The following GCNT1 variants were observed in gnomAD, a reference collection of about 807,000 sequenced individuals.
The protein encoded by GCNT1 is glucosaminyl (N-acetyl) transferase 1, also known as beta-1,3-galactosyl-O-glycosyl-glycoprotein beta-1,6-N-acetylglucosaminyltransferase.
A neutral mutation model predicts 26.2 loss-of-function variants in GCNT1; 16 were observed. That is an observed-to-expected ratio of 0.61 (90% CI 0.41 to 0.93). The LOEUF is 0.93. Ranked by LOEUF, GCNT1 falls within the 40% of genes least tolerant of loss-of-function variation. GCNT1 has a pLI of 0.00. For missense variants in GCNT1, 477 were observed against 526.7 expected, an observed-to-expected ratio of 0.91 and a Z score of 0.92; for synonymous variants, 183 against 190.8, an observed-to-expected ratio of 0.96 and a Z score of 0.34.
At chr9:76,479,808 T>A (rs1236710290) in intron 2 of GCNT1, among the ~76,000 whole-genome samples, 3 of 152,228 alleles carry the variant, frequency 2.0e-5, no homozygotes, top group Non-Finnish European at 4.4e-5. Flanking sequence ...GTAGGTTGGT[T>A]CTTCACTCTG....
intron 2 of GCNT1, among the ~76,000 whole-genome samples, chr9:76,495,614 T>C (rs1477507337): frequency 1.3e-5 from 2 of 152,214 alleles, no homozygotes; most frequent in Non-Finnish European, 2.9e-5. Flanking sequence ...TACAGAATGC[T>C]GATTGGTACA....
intron 2 of GCNT1, among the ~76,000 whole-genome samples, chr9:76,490,170 G>C (rs569764647): frequency 6.6e-6 from 1 of 151,786 alleles, no homozygotes; most frequent in Non-Finnish European, 1.5e-5. Context: ...GCAGCATCTC[G>C]TACTATCCCT....
At chr9:76,481,553 T>C (rs778325893) in intron 2 of GCNT1, among the ~76,000 whole-genome samples, 2 of 152,076 alleles carry the variant, frequency 1.3e-5, no homozygotes, top group African/African-American at 4.8e-5. Context: ...TTGATTTGTA[T>C]CAGTTATATA....
chr9:76,413,791 A>G, the GCNT1 span, among the ~76,000 whole-genome samples: 1 of 146,548 alleles, frequency 6.8e-6, no homozygotes, highest in African/African-American at 2.5e-5. Flanking sequence ...TATTTTTTCT[A>G]TACTTTTCTG....
the GCNT1 span, among the ~76,000 whole-genome samples, chr9:76,397,010 A>C: frequency 1.3e-5 from 2 of 152,042 alleles, no homozygotes; most frequent in African/African-American, 4.8e-5. Flanking sequence ...GGCCGGGCGC[A>C]GTGGCTCTTG....
chr9:76,469,076 T>G (rs1193215137), intron 2 of GCNT1, among the ~76,000 whole-genome samples: 6 of 151,946 alleles, frequency 3.9e-5, no homozygotes, highest in African/African-American at 1.4e-4. Context: ...CTGGGCAAAT[T>G]TCGCCAAAAA....
Position 76,505,700 on chromosome 9 carries a change from G to C in GCNT1, c.*2032G>C, listed in dbSNP as rs1487771435. ...CATTGTACCCTATTTGCTTTAAGTT[G>C]TATGTATTTCTGAACTTGGCAAAAT... On this transcript the variant is annotated 3_prime_UTR_variant, in exon 4 of 4. Transcript: ENST00000376730. The C allele has an allele frequency of 6.0e-6, 1 of 166,910 alleles. No homozygotes were observed. Among genetic ancestry groups the C allele is most frequent in the Non-Finnish European group, 1.5e-5 (1 of 68,094 alleles). The allele number at this position is 166,910 out of a possible 1,614,324, so 10.3% of individuals were successfully genotyped here. A position where few individuals can be genotyped will look rare whatever the true frequency, so the allele number is the denominator to read the frequency against.
intron 2 of GCNT1, among the ~76,000 whole-genome samples, chr9:76,478,019 A>G (rs112457282): frequency 6.6e-6 from 1 of 152,302 alleles, no homozygotes; most frequent in African/African-American, 2.4e-5. Flanking sequence ...CACTCTGTAA[A>G]AATGCACCAA....
At chr9:76,449,331 A>G (rs1823627362) in intron 1 of GCNT1, among the ~76,000 whole-genome samples, 1 of 152,126 alleles carries the variant, frequency 6.6e-6, no homozygotes, top group Non-Finnish European at 1.5e-5. Context: ...AAACAAGCAA[A>G]TAAAATGATA....
At chr9:76,482,032 T>C (rs1824436720) in intron 2 of GCNT1, among the ~76,000 whole-genome samples, 1 of 152,154 alleles carries the variant, frequency 6.6e-6, no homozygotes, top group African/African-American at 2.4e-5. Context: ...TATTATATTG[T>C]CAGTAAGAAG....
intron 1 of GCNT1, among the ~76,000 whole-genome samples, chr9:76,452,704 C>T (rs886195416): frequency 5.3e-5 from 8 of 152,054 alleles, no homozygotes; most frequent in Non-Finnish European, 8.8e-5. Flanking sequence ...CATTAGAAAC[C>T]GCCTCCAGGA....
At chr9:76,465,565 T>C (rs890239009) in intron 2 of GCNT1, among the ~76,000 whole-genome samples, 5 of 152,344 alleles carry the variant, frequency 3.3e-5, no homozygotes, top group Admixed American at 6.5e-5. Context: ...AATGCACCAC[T>C]GTGTCCCAGC....
intron 1 of GCNT1, among the ~76,000 whole-genome samples, chr9:76,436,097 A>T (rs973951829): frequency 1.3e-5 from 2 of 151,616 alleles, no homozygotes; most frequent in Admixed American, 6.6e-5. Flanking sequence ...GATTACAGGC[A>T]TGTGCCACCA....
chr9:76,447,705 T>G (rs1418914051), intron 1 of GCNT1, among the ~76,000 whole-genome samples: 2 of 152,202 alleles, frequency 1.3e-5, no homozygotes, highest in Non-Finnish European at 2.9e-5. Context: ...TACAAGTCAG[T>G]ATGGAGGATG....
At chr9:76,455,056 C>T (rs952230468), upstream of GCNT1, among the ~76,000 whole-genome samples, 1 of 151,992 alleles carries the variant, frequency 6.6e-6, no homozygotes, top group Non-Finnish European at 1.5e-5. Context: ...CCATGTTGGT[C>T]AGGCTGGTCT....
chr9:76,424,613 C>G (rs1044367486), intron 1 of GCNT1, among the ~76,000 whole-genome samples: 5 of 152,138 alleles, frequency 3.3e-5, no homozygotes, highest in African/African-American at 1.2e-4. Flanking sequence ...ATAGACAAGA[C>G]CTGGGCCTTA....
At position 76,506,954 on chromosome 9, in the gene GCNT1, A is replaced by G; in HGVS notation, c.*3286A>G. On this transcript the variant is annotated 3_prime_UTR_variant, in exon 4 of 4. Coordinates refer to ENST00000376730, the MANE Select transcript of GCNT1 (RefSeq NM_001490.5). Reference sequence around the variant, plus strand: ...ACGCTCCTCAACTTATGATGTGGGTAGGTCCCAGTAAACCCATTATAATTT... The same window carrying G: ...ACGCTCCTCAACTTATGATGTGGGTGGGTCCCAGTAAACCCATTATAATTT... 1 of 167,198 alleles carries G rather than the reference A, an allele frequency of 6.0e-6. No homozygotes were observed. The allele number at this position is 167,198 out of a possible 1,614,324, so 10.4% of individuals were successfully genotyped here.
At chr9:76,460,393 G>A (rs539514847) in intron 2 of GCNT1, among the ~76,000 whole-genome samples, 8 of 152,314 alleles carry the variant, frequency 5.3e-5, no homozygotes, top group African/African-American at 1.4e-4. Flanking sequence ...TTTGATGGGT[G>A]GGAGGTGAGA....
upstream of GCNT1, among the ~76,000 whole-genome samples, chr9:76,419,302 A>G (rs532319288): frequency 6.6e-6 from 1 of 152,362 alleles, no homozygotes; most frequent in African/African-American, 2.4e-5. Context: ...CTGTGTCACC[A>G]GAGCTAATAC....
Sources: allele counts gnomAD v4.1 joint callset (sites outside exome capture counted in the v4.1 genomes callset), GRCh38; gene constraint gnomAD v4.1.1; transcripts MANE v1.5; gene names NCBI Gene and HGNC (gene_info 2026-07-23, HGNC 2026-07-21).